The following ST7L variants were observed in gnomAD, a reference collection of about 807,000 sequenced individuals.
ST7L encodes the protein suppression of tumorigenicity 7 like, also known as suppressor of tumorigenicity 7 protein-like.
Under a neutral mutation model 72.5 loss-of-function variants are expected in ST7L, and 57 were observed. The observed-to-expected ratio is 0.79, with a 90% CI of 0.64 to 0.98. The LOEUF (loss-of-function observed/expected upper bound fraction) is 0.98. Ranked by LOEUF, ST7L falls within the 50% of genes least tolerant of loss-of-function variation. The pLI, the probability that ST7L is intolerant of heterozygous loss-of-function variation, is 0.00. For missense variants in ST7L, 576 were observed against 672.2 expected (o/e 0.86, Z 1.58); for synonymous variants, 221 against 240.9 (o/e 0.92, Z 0.77).
chr1:112,581,290 T>G (rs1458198986), intron 9 of ST7L, among the ~76,000 whole-genome samples: 1 of 152,198 alleles, frequency 6.6e-6, no homozygotes. Flanking sequence ...GCACCCATAC[T>G]TCTCCAATTA....
At chr1:112,538,133 T>A (rs184536025) in intron 14 of ST7L, among the ~76,000 whole-genome samples, 264 of 152,322 alleles carry the variant, frequency 1.7e-3, no homozygotes, top group African/African-American at 6.2e-3. Flanking sequence ...AAAGTCTGTC[T>A]TCTGAAGTAG....
At chr1:112,552,822 G>A (rs562982149) in intron 12 of ST7L, among the ~76,000 whole-genome samples, 4 of 152,200 alleles carry the variant, frequency 2.6e-5, no homozygotes, top group African/African-American at 9.6e-5. Context: ...ATCATAGGTG[G>A]TTGGGCATGA....
chr1:112,537,491 G>T (rs888118294), intron 14 of ST7L, among the ~76,000 whole-genome samples: 1 of 152,198 alleles, frequency 6.6e-6, no homozygotes, highest in African/African-American at 2.4e-5. Flanking sequence ...AAAGGGGCCA[G>T]AGTAGAAGAT....
At chr1:112,576,402 A>G (rs1306375349) in intron 11 of ST7L, among the ~76,000 whole-genome samples, 1 of 152,172 alleles carries the variant, frequency 6.6e-6, no homozygotes, top group South Asian at 2.1e-4. Flanking sequence ...CAAACCCCAA[A>G]ATTTAATTTT....
chr1:112,601,391 G>A (rs1349716312), intron 3 of ST7L, among the ~76,000 whole-genome samples: 1 of 151,972 alleles, frequency 6.6e-6, no homozygotes, highest in Non-Finnish European at 1.5e-5. Flanking sequence ...GACGACAGGC[G>A]CCTGCCACCA....
At chr1:112,538,741 C>G (rs1399588020) in intron 14 of ST7L, among the ~76,000 whole-genome samples, 3 of 152,166 alleles carry the variant, frequency 2.0e-5, no homozygotes, top group Non-Finnish European at 4.4e-5. Flanking sequence ...GACATATCTC[C>G]TTTAAACAAG....
intron 1 of ST7L, among the ~76,000 whole-genome samples, chr1:112,618,598 G>A (rs1670323376): frequency 6.6e-6 from 1 of 152,146 alleles, no homozygotes; most frequent in Admixed American, 6.5e-5. Context: ...TATAAATTAC[G>A]TATCCTAATC....
chr1:112,614,685 G>A (rs984128608), intron 2 of ST7L, among the ~76,000 whole-genome samples: 1 of 151,996 alleles, frequency 6.6e-6, no homozygotes, highest in African/African-American at 2.4e-5. Context: ...GGTGGTTCAC[G>A]CCTGGAACCT....
chr1:112,570,825 G>A (rs1661984509), intron 11 of ST7L: 3 of 448,450 alleles, frequency 6.7e-6, no homozygotes, highest in Non-Finnish European at 1.3e-5. Flanking sequence ...TGTTATTTAA[G>A]TGAGATATTA....
At chr1:112,600,364 T>C (rs927039919) in intron 4 of ST7L, among the ~76,000 whole-genome samples, 1 of 152,172 alleles carries the variant, frequency 6.6e-6, no homozygotes, top group African/African-American at 2.4e-5. Flanking sequence ...AAAAATTAGC[T>C]GGATGTGGTC....
chr1:112,614,034 AAAGT>A (rs1261033678), intron 2 of ST7L, among the ~76,000 whole-genome samples: 1 of 152,110 alleles, frequency 6.6e-6, no homozygotes, highest in Non-Finnish European at 1.5e-5. Context: ...CTGGCCACAA[AAAGT>A]TTTTTACAAG....
chr1:112,550,688 T>A lies in ST7L; in HGVS notation c.1402A>T (p.Arg468Ter), dbSNP rs1657962066. 1 of 1,611,638 alleles carries A rather than the reference T, an allele frequency of 6.2e-7. No individual in the cohort carries two copies. Among genetic ancestry groups the A allele is most frequent in the African/African-American group, 1.3e-5 (1 of 74,874 alleles). ...TTCTCTAACGGGTATGGAATCATTC[T>A]AAAAGCTGAGGAAAAAAAAGCATGT... The part of the protein sequence containing the change: ...LLQCTWEGTF[R>*]MIPYPLEKGH... Residue 468 changes from arginine to a stop codon, truncating the protein, a stop_gained, in exon 13 of 15, where the codon AGA becomes TGA. Transcript: ENST00000358039. LOFTEE classifies it high-confidence loss of function.
At chr1:112,549,796 G>GT (rs1052244383) in intron 13 of ST7L, among the ~76,000 whole-genome samples, 1 of 152,024 alleles carries the variant, frequency 6.6e-6, no homozygotes, top group Non-Finnish European at 1.5e-5. Flanking sequence ...TTGTTGCCTG[G>GT]TAACACCAGC....
At chr1:112,576,617 G>A (rs143115462) in intron 11 of ST7L, among the ~76,000 whole-genome samples, 1 of 152,158 alleles carries the variant, frequency 6.6e-6, no homozygotes, top group African/African-American at 2.4e-5. Flanking sequence ...CAAAACCCAG[G>A]CATCTGTCTA....
At chr1:112,613,119 G>GA (rs879900751) in intron 2 of ST7L, among the ~76,000 whole-genome samples, 38 of 141,930 alleles carry the variant, frequency 2.7e-4, no homozygotes, top group South Asian at 4.4e-4. Context: ...ACACTGTTTC[G>GA]AAAAAAAAAA....
At chr1:112,609,659 T>A (rs1558057268) in intron 3 of ST7L, among the ~76,000 whole-genome samples, 1 of 151,770 alleles carries the variant, frequency 6.6e-6, no homozygotes, top group Non-Finnish European at 1.5e-5. Flanking sequence ...CCATCTCTAC[T>A]AAAAATACAA....
chr1:112,573,872 CAT>C (rs1662581061), intron 11 of ST7L, among the ~76,000 whole-genome samples: 1 of 147,698 alleles, frequency 6.8e-6, no homozygotes, highest in African/African-American at 2.5e-5. Context: ...CCAGCCTGGG[CAT>C]GAGAGCAAGA....
chr1:112,592,999 T>A (rs979349620), intron 5 of ST7L, among the ~76,000 whole-genome samples: 1 of 152,150 alleles, frequency 6.6e-6, no homozygotes, highest in African/African-American at 2.4e-5. Flanking sequence ...AATAAGACTG[T>A]ATTAATTTAT....
chr1:112,530,968 G>GT (rs1340310521), intron 14 of ST7L, among the ~76,000 whole-genome samples: 3 of 152,174 alleles, frequency 2.0e-5, no homozygotes, highest in African/African-American at 7.2e-5. Flanking sequence ...CTTTTATTTA[G>GT]TTTTTTGATT....
Sources: gnomAD v4.1 joint callset for allele counts (sites outside exome capture counted in the v4.1 genomes callset) on GRCh38, gnomAD v4.1.1 for gene constraint, MANE v1.5 for transcripts, NCBI Gene and HGNC (gene_info 2026-07-23, HGNC 2026-07-21) for gene names.